ARHGEF12: variants seen among roughly 807,000 people sequenced by gnomAD.
ARHGEF12 encodes the protein Rho guanine nucleotide exchange factor 12.
ARHGEF12 carries 66 observed loss-of-function variants against 211.2 expected under a neutral mutation model. The observed-to-expected ratio is 0.31, with a 90% CI of 0.26 to 0.38. The LOEUF is 0.38. Among genes scored for constraint, ARHGEF12 ranks in the 10% least tolerant of loss-of-function variants. The pLI is 1.00. For missense variants in ARHGEF12, 1,429 were observed against 1,869.5 expected (o/e 0.76, Z 4.34); for synonymous variants, 592 against 638.4 (o/e 0.93, Z 1.09).
chr11:120,452,251 AGAG>A (rs1488378974), intron 22 of ARHGEF12, among the ~76,000 whole-genome samples: 4 of 152,168 alleles, frequency 2.6e-5, no homozygotes, highest in Admixed American at 1.3e-4. Context: ...TTGTGAGGAG[AGAG>A]GAGATGAGAT....
At chr11:120,473,904 C>T (rs923168531) in intron 31 of ARHGEF12, among the ~76,000 whole-genome samples, 3 of 152,118 alleles carry the variant, frequency 2.0e-5, no homozygotes, top group African/African-American at 7.2e-5. Context: ...TGTTTTTGTA[C>T]CATTTCACTA....
intron 33 of ARHGEF12, among the ~76,000 whole-genome samples, 188 bp downstream of exon 33, chr11:120,475,695 C>T (rs1044983622): frequency 7.0e-6 from 1 of 142,788 alleles, no homozygotes; most frequent in Non-Finnish European, 1.6e-5. Flanking sequence ...TAGGGTGTCT[C>T]GATTCTGTGA....
chr11:120,484,340 C>A, intron 39 of ARHGEF12, 98 bp from the exon 40 acceptor site: 1 of 1,013,452 alleles, frequency 9.9e-7, no homozygotes, highest in Non-Finnish European at 1.5e-6. Flanking sequence ...GGGCTTGTAC[C>A]TGTAATGTAA....
intron 29 of ARHGEF12, 38 bp from the exon 30 acceptor site, chr11:120,469,250 C>A: frequency 6.7e-7 from 1 of 1,488,220 alleles, no homozygotes; most frequent in South Asian, 1.2e-5. Context: ...GTTTTTTGCT[C>A]AGTTCTTTTA....
intron 1 of ARHGEF12, among the ~76,000 whole-genome samples, chr11:120,342,040 A>G (rs1385778339): frequency 6.6e-6 from 1 of 152,200 alleles, no homozygotes; most frequent in Non-Finnish European, 1.5e-5. Flanking sequence ...AGTTTAAGTC[A>G]AGATTTTAAG....
intron 1 of ARHGEF12, chr11:120,385,567 T>G (rs1944004817): frequency 1.3e-6 from 1 of 743,726 alleles, no homozygotes; most frequent in African/African-American, 1.9e-5. Flanking sequence ...GTGAAAGGGA[T>G]GTACCTGTTA....
chr11:120,411,879 C>G (rs1565461681), intron 4 of ARHGEF12: 1 of 151,598 alleles, frequency 6.6e-6, no homozygotes, highest in African/African-American at 2.4e-5. Flanking sequence ...AGGCTGATCT[C>G]TGTCTCCTGA....
At chr11:120,468,529 A>G (rs1459080232) in intron 29 of ARHGEF12, among the ~76,000 whole-genome samples, 1 of 152,030 alleles carries the variant, frequency 6.6e-6, no homozygotes, top group Non-Finnish European at 1.5e-5. Flanking sequence ...GCTCACTGCA[A>G]CCTCCACCTC....
At chr11:120,417,576 G>A (rs1199723690) in intron 4 of ARHGEF12, among the ~76,000 whole-genome samples, 1 of 147,522 alleles carries the variant, frequency 6.8e-6, no homozygotes, top group Non-Finnish European at 1.5e-5. Flanking sequence ...GTGCAGTGGT[G>A]CAGTCTCGGC....
chr11:120,461,243 A>G (rs1211161163), intron 27 of ARHGEF12, among the ~76,000 whole-genome samples: 1 of 152,202 alleles, frequency 6.6e-6, no homozygotes, highest in Non-Finnish European at 1.5e-5. Flanking sequence ...TATTTCTTAA[A>G]TAATAAGACT....
chr11:120,341,746 C>T (rs905637711), intron 1 of ARHGEF12, among the ~76,000 whole-genome samples: 8 of 152,188 alleles, frequency 5.3e-5, no homozygotes, highest in African/African-American at 9.7e-5. Context: ...AGTAGCTTAA[C>T]TTCTTTTGGT....
intron 1 of ARHGEF12, among the ~76,000 whole-genome samples, chr11:120,377,240 C>A (rs1266223098): frequency 6.6e-6 from 1 of 152,182 alleles, no homozygotes; most frequent in Non-Finnish European, 1.5e-5. Context: ...ATTTCCATCA[C>A]CCCAAAAAAT....
chr11:120,429,634 TATTG>T, intron 9 of ARHGEF12, 74 bp from the exon 10 acceptor site: 2 of 1,559,912 alleles, frequency 1.3e-6, no homozygotes, highest in South Asian at 1.2e-5. Context: ...TTAGTTATAT[TATTG>T]ATTAAGAATG....
chr11:120,408,602 A>C (rs1944786780), intron 3 of ARHGEF12: 1 of 152,122 alleles, frequency 6.6e-6, no homozygotes, highest in Admixed American at 6.5e-5. Context: ...CAGATACATA[A>C]AAATAATGTA....
intron 1 of ARHGEF12, among the ~76,000 whole-genome samples, chr11:120,380,340 A>T (rs1943844193): frequency 3.3e-5 from 5 of 152,178 alleles, no homozygotes; most frequent in Admixed American, 3.3e-4. Context: ...TGTTAACTAA[A>T]CTTCATACTT....
At position 120,409,451 on chromosome 11, in the gene ARHGEF12, G is replaced by A; in HGVS notation, c.199+1G>A. The stretch of plus-strand genomic sequence containing the variant: ...GAGGAGAGTAGATCCGAGATATATG[G>A]TAAGCTAATGTAGCTAATTCAGCCT... On this transcript the variant is annotated splice_donor_variant, in intron 4 of 40. Transcript: ENST00000397843. LOFTEE classifies it high-confidence loss of function. The A allele has an allele frequency of 1.2e-6, 2 of 1,613,614 alleles. No individual in the cohort carries two copies. The highest frequency in any genetic ancestry group is 1.7e-6 in the Non-Finnish European group (2 of 1,179,790).
intron 1 of ARHGEF12, among the ~76,000 whole-genome samples, chr11:120,355,924 T>G (rs1943118390): frequency 6.6e-6 from 1 of 152,320 alleles, no homozygotes; most frequent in African/African-American, 2.4e-5. Context: ...TCATGAGCCC[T>G]ACAACATTCA....
intron 1 of ARHGEF12, among the ~76,000 whole-genome samples, chr11:120,371,566 T>C (rs1384868349): frequency 6.6e-6 from 1 of 152,208 alleles, no homozygotes; most frequent in East Asian, 1.9e-4. Context: ...ATTATAACCC[T>C]TATACCCCAC....
chr11:120,364,816 ATT>A (rs59126463), intron 1 of ARHGEF12, among the ~76,000 whole-genome samples: 25 of 132,402 alleles, frequency 1.9e-4, no homozygotes, highest in Admixed American at 3.1e-4. Context: ...ACATGTACCA[ATT>A]TTTTTTTTTT....
Sources: gnomAD v4.1 joint callset for allele counts (sites outside exome capture counted in the v4.1 genomes callset) on GRCh38, gnomAD v4.1.1 for gene constraint, MANE v1.5 for transcripts, NCBI Gene and HGNC (gene_info 2026-07-23, HGNC 2026-07-21) for gene names.